NKAPD1: variants seen among roughly 807,000 people sequenced by gnomAD.
The protein encoded by NKAPD1 is uncharacterized protein NKAPD1.
NKAPD1 carries 12 observed loss-of-function variants against 30.9 expected under a neutral mutation model. That is an observed-to-expected ratio of 0.39 (90% CI 0.25 to 0.63). NKAPD1 has a LOEUF of 0.63. Ranked by LOEUF, NKAPD1 falls within the 20% of genes least tolerant of loss-of-function variation. The pLI, the probability that NKAPD1 is intolerant of heterozygous loss-of-function variation, is 0.51. For missense variants in NKAPD1, 311 were observed against 344.5 expected (o/e 0.90, Z 0.77); for synonymous variants, 91 against 113.6 (o/e 0.80, Z 1.26).
chr11:112,079,230 C>G (rs1865394294), intron 3 of NKAPD1, among the ~76,000 whole-genome samples: 1 of 148,252 alleles, frequency 6.7e-6, no homozygotes, highest in Non-Finnish European at 1.5e-5. Flanking sequence ...ACTGCAACCT[C>G]CGCCTCCTGG....
chr11:112,074,502 C>G lies in NKAPD1; in HGVS notation c.-423C>G. The G allele has an allele frequency of 2.5e-6, 1 of 399,102 alleles. No individual in the cohort carries two copies. Among genetic ancestry groups the G allele is most frequent in the East Asian group, 3.6e-5 (1 of 28,070 alleles). The allele number at this position is 399,102 out of a possible 1,614,324, so 24.7% of individuals were successfully genotyped here. A position where few individuals can be genotyped will look rare whatever the true frequency, so the allele number is the denominator to read the frequency against. ...TCTTCCACTTGGAAACCTCAACCCC[C>G]GCTTCAGGCTCCCTAGATACTTTCT... On this transcript the variant is annotated 5_prime_UTR_variant, in exon 1 of 6. Coordinates refer to ENST00000393047, the MANE Select transcript of NKAPD1 (RefSeq NM_018195.4).
At position 112,082,895 on chromosome 11, in the gene NKAPD1, C is replaced by T. The variant is rs1865490427; in HGVS notation, c.805C>T (p.Gln269Ter). The T allele has an allele frequency of 1.2e-6, 2 of 1,611,706 alleles. No homozygotes were observed. Among genetic ancestry groups the T allele is most frequent in the Non-Finnish European group, 1.7e-6 (2 of 1,179,498 alleles). ...AHTSVANNEI[Q>*]ERTNKRTNWK... ...TACCTCTGTAGCCAACAATGAAATA[C>T]AGGAGAGGACAAACAAACGCACAAA... is the stretch of plus-strand genomic sequence containing the variant. Residue 269 changes from glutamine (Q) to a stop codon, truncating the protein, a stop_gained, in exon 6 of 6, where the codon CAG becomes TAG. Coordinates refer to ENST00000393047, the MANE Select transcript of NKAPD1 (RefSeq NM_018195.4). LOFTEE classifies it high-confidence loss of function.
intron 3 of NKAPD1, among the ~76,000 whole-genome samples, chr11:112,078,864 C>T (rs1865385583): frequency 6.6e-6 from 1 of 152,118 alleles, no homozygotes; most frequent in Non-Finnish European, 1.5e-5. Context: ...CTTTTCTTCA[C>T]CCTGTCTATT....
At chr11:112,082,192 C>T (rs1367204635) in intron 5 of NKAPD1, 157 bp downstream of exon 5, 9 of 738,910 alleles carry the variant, frequency 1.2e-5, no homozygotes, top group Non-Finnish European at 2.0e-5. Context: ...TTTTCCCATT[C>T]TCTGGTTGAT....
chr11:112,082,858 G>A lies in NKAPD1; in HGVS notation c.768G>A (p.Glu256=), dbSNP rs1395873467. The A allele has an allele frequency of 3.1e-6, 5 of 1,613,638 alleles. No individual in the cohort carries two copies. The highest frequency in any genetic ancestry group is 4.2e-6 in the Non-Finnish European group (5 of 1,179,950). The change falls in exon 6 of 6, where the codon GAG becomes GAA. Residue 256 remains glutamate (E), a synonymous_variant. Transcript: ENST00000393047. ...DTKKTKRKKR[E]KKAHTSVANN... is the part of the protein sequence containing the mutation. ...AGAAAACCAAAAGGAAAAAGAGAGAGAAAAAAGCCCATACCTCTGTAGCCA... is the reference window on the plus strand; with the variant it reads ...AGAAAACCAAAAGGAAAAAGAGAGAAAAAAAAGCCCATACCTCTGTAGCCA...
intron 3 of NKAPD1, among the ~76,000 whole-genome samples, chr11:112,078,645 A>G (rs1318633713): frequency 6.6e-6 from 1 of 151,596 alleles, no homozygotes; most frequent in African/African-American, 2.4e-5. Flanking sequence ...CAGTCATTCT[A>G]TTCTCTATTA....
rs1865276911 is a variant in NKAPD1 at position 112,074,844 on chromosome 11, G to A, written c.-81G>A. 4.6e-6 allele frequency: 1 copy of A among 216,598 alleles called. No individual in the cohort carries two copies. Among genetic ancestry groups the A allele is most frequent in the African/African-American group, 2.3e-5 (1 of 44,030 alleles). The allele number at this position is 216,598 out of a possible 1,614,324, so 13.4% of individuals were successfully genotyped here. ...GAGCCCTGACTCCTTGGCTTCCTGG[G>A]TCGGAGGAGATCTTGTAATGGAGTG... On this transcript the variant is annotated 5_prime_UTR_variant, in exon 1 of 6. Transcript: ENST00000393047.
chr11:112,075,044 G>C, intron 1 of NKAPD1, 128 bp downstream of exon 1: 1 of 154,362 alleles, frequency 6.5e-6, no homozygotes, highest in Non-Finnish European at 1.4e-5. Flanking sequence ...AGAAATTTAG[G>C]ACATCTTTGC....
At position 112,081,986 on chromosome 11, in the gene NKAPD1, G is replaced by A. The variant is rs1865462996; in HGVS notation, c.325G>A (p.Gly109Ser). 6.2e-7 allele frequency: 1 copy of A among 1,612,150 alleles called. No homozygotes were observed. Among genetic ancestry groups the A allele is most frequent in the African/African-American group, 1.3e-5 (1 of 74,954 alleles). ...ATGTGATGTGTCATATTACAGATGG[G>A]GTCACAGTGGTTATAAAGAGTTATA... ...DYEANMPDRW[G>S]HSGYKELYPE... The change falls in exon 5 of 6, where the codon GGT (glycine) becomes AGT (serine). Residue 109 changes from glycine (G) to serine (S), a missense_variant. Transcript: ENST00000393047.
intron 2 of NKAPD1, among the ~76,000 whole-genome samples, chr11:112,076,213 T>C (rs1865327933): frequency 6.6e-6 from 1 of 152,076 alleles, no homozygotes; most frequent in African/African-American, 2.4e-5. Flanking sequence ...TGTGGCATGA[T>C]CATAGTTATA....
chr11:112,079,093 A>G (rs1401446194), intron 3 of NKAPD1, among the ~76,000 whole-genome samples: 2 of 151,052 alleles, frequency 1.3e-5, no homozygotes, highest in East Asian at 1.9e-4. Context: ...ATTTGCTGCT[A>G]TATTCCTGCC....
At chr11:112,082,129 T>C (rs1592768934) in intron 5 of NKAPD1, 94 bp downstream of exon 5, 1 of 1,071,064 alleles carries the variant, frequency 9.3e-7, no homozygotes, top group East Asian at 2.5e-5. Context: ...ATACTTGCCA[T>C]CAAAAATGTA....
In NKAPD1 at chr11:112,082,800, G is replaced by A; in HGVS notation, c.710G>A (p.Ser237Asn). 2 of 1,613,818 alleles carry A rather than the reference G, an allele frequency of 1.2e-6. No individual in the cohort carries two copies. The highest frequency in any genetic ancestry group is 2.7e-5 in the African/African-American group (2 of 74,930). ...TCACATTCAGATGATTCAGCATCCA[G>A]CAGTTCTGAGGAAAGTGAGGAAAGA... Reference protein sequence around the residue: ...NTSHSDDSASSSSEESEERDT... With the variant: ...NTSHSDDSASNSSEESEERDT... Residue 237 changes from serine to asparagine, a missense_variant, in exon 6 of 6, where the codon AGC (serine) becomes AAC (asparagine). Ser to Asn is a conservative substitution (Grantham distance 46, BLOSUM62 1). Transcript: ENST00000393047.
intron 4 of NKAPD1, chr11:112,081,711 A>G (rs1296650164): frequency 2.8e-6 from 1 of 360,378 alleles, no homozygotes; most frequent in Non-Finnish European, 5.1e-6. Context: ...ATAGCTAAAG[A>G]GCAGAGTGTA....
chr11:112,077,182 G>C (rs535242646), intron 2 of NKAPD1, among the ~76,000 whole-genome samples: 23 of 152,312 alleles, frequency 1.5e-4, no homozygotes, highest in Admixed American at 1.3e-3. Flanking sequence ...TTATGGGCGA[G>C]GGTAAAACTG....
At chr11:112,080,323 G>A in intron 3 of NKAPD1, 86 bp from the exon 4 acceptor site, 2 of 1,034,442 alleles carry the variant, frequency 1.9e-6, no homozygotes, top group East Asian at 6.0e-5. Context: ...CCCTCAGCTT[G>A]TTCCATGAGT....
At chr11:112,081,788 G>A (rs543884682) in intron 4 of NKAPD1, 194 bp from the exon 5 acceptor site, 1 of 538,728 alleles carries the variant, frequency 1.9e-6, no homozygotes, top group African/African-American at 1.9e-5. Flanking sequence ...AAATAATCTT[G>A]TATGTCTGAA....
rs1865488320 is a variant in NKAPD1 at position 112,082,850 on chromosome 11, AAGAG to A, written c.766_769del (p.Glu256LysfsTer7). On this transcript the variant is annotated frameshift_variant, in exon 6 of 6. Transcript: ENST00000393047. LOFTEE classifies it high-confidence loss of function. Reference sequence around the variant, plus strand: ...AGACACTAAGAAAACCAAAAGGAAAAAGAGAGAGAAAAAAGCCCATACCTCTGTA... The same window carrying A: ...AGACACTAAGAAAACCAAAAGGAAAAAGAGAAAAAAGCCCATACCTCTGTA... The A allele has an allele frequency of 6.2e-7, 1 of 1,613,986 alleles. No individual in the cohort carries two copies. Among genetic ancestry groups the A allele is most frequent in the Non-Finnish European group, 8.5e-7 (1 of 1,179,984 alleles).
chr11:112,074,332 C>T lies in NKAPD1; in HGVS notation c.-593C>T, dbSNP rs1475430479. The T allele has an allele frequency of 7.5e-6, 3 of 399,174 alleles. No individual in the cohort carries two copies. Among genetic ancestry groups the T allele is most frequent in the East Asian group, 3.6e-5 (1 of 28,084 alleles). The allele number at this position is 399,174 out of a possible 1,614,324, so 24.7% of individuals were successfully genotyped here. On this transcript the variant is annotated 5_prime_UTR_variant, in exon 1 of 6. Transcript: ENST00000393047. ...CCCAAACCACTTCTTCCCCCCTACCCCCCGCCACGCGAGGCTGCGGCGCAC... is the reference window on the plus strand; with the variant it reads ...CCCAAACCACTTCTTCCCCCCTACCTCCCGCCACGCGAGGCTGCGGCGCAC...
Sources: gnomAD v4.1 joint callset for allele counts (sites outside exome capture counted in the v4.1 genomes callset) on GRCh38, gnomAD v4.1.1 for gene constraint, MANE v1.5 for transcripts, NCBI Gene and HGNC (gene_info 2026-07-23, HGNC 2026-07-21) for gene names.